Variants in CACNA1E observed in about 807,000 individuals in gnomAD.
The protein encoded by CACNA1E is calcium voltage-gated channel subunit alpha1 E.
CACNA1E carries 40 observed loss-of-function variants against 259.2 expected under a neutral mutation model. The ratio of observed to expected loss-of-function variants is 0.15; its 90% confidence interval spans 0.12 to 0.20. CACNA1E has a LOEUF of 0.20. CACNA1E is among the 10% of genes least tolerant of loss of function. The pLI, the probability that CACNA1E is intolerant of heterozygous loss-of-function variation, is 1.00. For missense variants in CACNA1E, 1,874 were observed against 3,040.1 expected, an observed-to-expected ratio of 0.62 and a Z score of 9.02; for synonymous variants, 1,104 against 1,138.5, an observed-to-expected ratio of 0.97 and a Z score of 0.61.
intron 1 of CACNA1E, among the ~76,000 whole-genome samples, chr1:181,397,990 C>G (rs1392117079): frequency 6.6e-6 from 1 of 152,234 alleles, no homozygotes; most frequent in Non-Finnish European, 1.5e-5. Flanking sequence ...AATTAGCCAG[C>G]CTGCTGCTAA....
At chr1:181,736,568 A>G in intron 22 of CACNA1E, 134 bp downstream of exon 22, 1 of 813,010 alleles carries the variant, frequency 1.2e-6, no homozygotes, top group Non-Finnish European at 1.9e-6. Flanking sequence ...GCATGGCCAG[A>G]CATTGAGCAT....
rs535672207 is a variant in CACNA1E, at chr1:181,374,690, C to A, written c.-14-38443C>A. On this transcript the variant is annotated intron_variant, in intron 1 of 11. Transcript: ENST00000524607. Reference sequence around the variant, plus strand: ...CTATGTTGCCCAGGCTGGTCTTGAACGCCTGAGCTCAAGTGATCCTCCTAC... The same window carrying A: ...CTATGTTGCCCAGGCTGGTCTTGAAAGCCTGAGCTCAAGTGATCCTCCTAC... 7.9e-5 allele frequency among the ~76,000 whole-genome samples: 12 copies of A among 152,090 alleles called. No individual in the cohort carries two copies. In the East Asian group the frequency reaches 1.9e-3, roughly 25 times the overall value.
At chr1:181,426,105 G>A (rs535164758) in intron 2 of CACNA1E, among the ~76,000 whole-genome samples, 5 of 152,176 alleles carry the variant, frequency 3.3e-5, no homozygotes, top group East Asian at 3.9e-4. Context: ...TGCTCCTGGT[G>A]TGGAGACAGT....
intron 7 of CACNA1E, among the ~76,000 whole-genome samples, chr1:181,661,734 T>C (rs530141434): frequency 1.3e-5 from 2 of 152,312 alleles, no homozygotes; most frequent in East Asian, 3.9e-4. Context: ...ACATATTGTC[T>C]CATTTAATCC....
chr1:181,476,584 C>T (rs1662867419), intron 2 of CACNA1E, among the ~76,000 whole-genome samples: 2 of 152,240 alleles, frequency 1.3e-5, no homozygotes, highest in Non-Finnish European at 2.9e-5. Flanking sequence ...ACCTGGGCAC[C>T]TTCTCCTAGG....
intron 6 of CACNA1E, among the ~76,000 whole-genome samples, chr1:181,591,083 AT>A: frequency 6.6e-6 from 1 of 152,370 alleles, no homozygotes; most frequent in South Asian, 2.1e-4. Flanking sequence ...AGAAAGGTAT[AT>A]TGTAGAATTG....
chr1:181,731,109 G>A, intron 18 of CACNA1E, 66 bp from the exon 19 acceptor site: 1 of 1,272,590 alleles, frequency 7.9e-7, no homozygotes, highest in African/African-American at 1.5e-5. Context: ...AAATCTGCTG[G>A]TGGCTGTGGG....
intron 23 of CACNA1E, among the ~76,000 whole-genome samples, chr1:181,738,039 A>T (rs187149417): frequency 4.5e-4 from 68 of 152,318 alleles, no homozygotes; most frequent in Admixed American, 7.8e-4. Context: ...GGAGGACAGG[A>T]GCTGACAAGG....
At chr1:181,353,796 G>A (rs1439606502) in intron 1 of CACNA1E, among the ~76,000 whole-genome samples, 1 of 152,162 alleles carries the variant, frequency 6.6e-6, no homozygotes, top group African/African-American at 2.4e-5. Flanking sequence ...CCTGAAAGAG[G>A]GAGTGCTAAC....
intron 6 of CACNA1E, 127 bp downstream of exon 6, chr1:181,580,903 G>T (rs1238838270): frequency 1.3e-6 from 1 of 766,482 alleles, no homozygotes; most frequent in African/African-American, 1.7e-5. Context: ...GGGATGGGAG[G>T]TGAAGACTCA....
At chr1:181,717,983 G>A (rs1391316712) in intron 11 of CACNA1E, 72 bp from the exon 12 acceptor site, 4 of 715,384 alleles carry the variant, frequency 5.6e-6, no homozygotes, top group Non-Finnish European at 1.0e-5. Flanking sequence ...CTCTGTAGGT[G>A]GGTGTGTTAG....
At chr1:181,361,324 GTATTTAAAATGGTTAA>G (rs1416258103) in intron 1 of CACNA1E, among the ~76,000 whole-genome samples, 1 of 152,046 alleles carries the variant, frequency 6.6e-6, no homozygotes, top group African/African-American at 2.4e-5. Flanking sequence ...GGGCTTGGAA[GTATTTAAAATGGTTAA>G]TATTTAAAAA....
intron 2 of CACNA1E, among the ~76,000 whole-genome samples, chr1:181,473,191 TGAAC>T (rs1213281929): frequency 6.6e-6 from 1 of 152,096 alleles, no homozygotes; most frequent in African/African-American, 2.4e-5. Context: ...CCTTGCTCCC[TGAAC>T]TCCCTTACTG....
chr1:181,578,610 T>G (rs1651213685), intron 4 of CACNA1E, among the ~76,000 whole-genome samples: 1 of 152,250 alleles, frequency 6.6e-6, no homozygotes, highest in Non-Finnish European at 1.5e-5. Context: ...ATTTAGCCAT[T>G]TTTATGTTTT....
At position 181,801,532 on chromosome 1, in the gene CACNA1E, C is replaced by T. The variant is rs1353843492; in HGVS notation, c.*2698C>T. ...TTTCTTTTCCCTCAGCCTGCACTTA[C>T]TCTTCTATTAAGACCAGAAAATAAA... On this transcript the variant is annotated 3_prime_UTR_variant, in exon 48 of 48. Coordinates refer to ENST00000367573, the MANE Select transcript of CACNA1E (RefSeq NM_001205293.3). The T allele has an allele frequency of 6.6e-6, 1 of 152,210 alleles. No individual in the cohort carries two copies. Among genetic ancestry groups the T allele is most frequent in the Non-Finnish European group, 1.5e-5 (1 of 68,036 alleles). 9.4% of individuals were successfully genotyped at this position (152,210 alleles called of 1,614,324 possible).
At chr1:181,597,192 C>T (rs542939110) in intron 6 of CACNA1E, among the ~76,000 whole-genome samples, 1 of 152,106 alleles carries the variant, frequency 6.6e-6, no homozygotes. Context: ...TGAGACCCAC[C>T]CTGGCACTCA....
At chr1:181,325,874 G>T (rs1267807963) in intron 1 of CACNA1E, among the ~76,000 whole-genome samples, 2 of 152,046 alleles carry the variant, frequency 1.3e-5, no homozygotes, top group Non-Finnish European at 2.9e-5. Context: ...GGTGAGGCCG[G>T]CGCTCCCCTC....
intron 44 of CACNA1E, among the ~76,000 whole-genome samples, chr1:181,792,623 A>ATGGTCACATAG (rs1443096751): frequency 6.6e-6 from 1 of 152,216 alleles, no homozygotes; most frequent in Non-Finnish European, 1.5e-5. Flanking sequence ...GCTCAGCCAA[A>ATGGTCACATAG]TGGTCACATA....
chr1:181,758,407 G>A lies in CACNA1E; in HGVS notation c.4494+296G>A, dbSNP rs915244104. Reference sequence around the variant, plus strand: ...TCAGGAGACAGAGATCCATCATCACGGGGTCTAAAGGAGCCTTGGAGTATT... The same window carrying A: ...TCAGGAGACAGAGATCCATCATCACAGGGTCTAAAGGAGCCTTGGAGTATT... On this transcript the variant is annotated intron_variant, in intron 31 of 47. Coordinates refer to ENST00000367573, the MANE Select transcript of CACNA1E (RefSeq NM_001205293.3). This position sits in a 1 kb window ranked among gnomAD's most constrained non-coding sequence, Gnocchi z 4.2. 6.6e-6 allele frequency among the ~76,000 whole-genome samples: 1 copy of A among 152,136 alleles called. No individual in the cohort carries two copies. The highest frequency in any genetic ancestry group is 1.5e-5 in the Non-Finnish European group (1 of 68,024).
Sources: allele counts gnomAD v4.1 joint callset (sites outside exome capture counted in the v4.1 genomes callset), GRCh38; gene constraint gnomAD v4.1.1; non-coding constraint Gnocchi (gnomAD v3.1); transcripts MANE v1.5; gene names NCBI Gene and HGNC (gene_info 2026-07-23, HGNC 2026-07-21).